KLHDC4: variants seen among roughly 807,000 people sequenced by gnomAD.
KLHDC4 encodes kelch domain containing 4.
A neutral mutation model predicts 62.4 loss-of-function variants in KLHDC4; 90 were observed. The observed-to-expected ratio is 1.44, with a 90% CI of 1.22 to 1.72. The LOEUF (loss-of-function observed/expected upper bound fraction) is 1.72, where lower values mean the gene tolerates loss of function less well. Ranked by LOEUF, KLHDC4 falls within the 40% of genes most tolerant of loss-of-function variation. KLHDC4 has a pLI of 0.00. For missense variants in KLHDC4, 1,025 were observed against 699.7 expected (o/e 1.47, Z -5.25); for synonymous variants, 386 against 284.4 (o/e 1.36, Z -3.59).
intron 6 of KLHDC4, among the ~76,000 whole-genome samples, chr16:87,728,163 C>G (rs950009916): frequency 2.0e-5 from 3 of 152,086 alleles, no homozygotes; most frequent in African/African-American, 7.2e-5. Flanking sequence ...CCAGCCTGGG[C>G]GATCGAGTGA....
At chr16:87,719,355 T>C (rs1280516967) in intron 7 of KLHDC4, among the ~76,000 whole-genome samples, 1 of 152,230 alleles carries the variant, frequency 6.6e-6, no homozygotes, top group Non-Finnish European at 1.5e-5. Context: ...ATGCTGTTAA[T>C]CTATAACCTT....
At chr16:87,754,196 C>A (rs1433037351) in intron 4 of KLHDC4, among the ~76,000 whole-genome samples, 1 of 151,542 alleles carries the variant, frequency 6.6e-6, no homozygotes, top group Non-Finnish European at 1.5e-5. Context: ...CTAATACAAT[C>A]CCAGTCAGGT....
At chr16:87,734,669 C>A (rs2040966072) in intron 5 of KLHDC4, among the ~76,000 whole-genome samples, 2 of 152,192 alleles carry the variant, frequency 1.3e-5, no homozygotes, top group South Asian at 4.1e-4. Flanking sequence ...ATTAATCCAA[C>A]CCGGAGTTGG....
chr16:87,717,839 C>A (rs1265259291), intron 7 of KLHDC4, among the ~76,000 whole-genome samples: 1 of 151,042 alleles, frequency 6.6e-6, no homozygotes, highest in Non-Finnish European at 1.5e-5. Context: ...GTACCCTGCA[C>A]CTGTCTATAT....
chr16:87,759,113 G>A (rs1023261590), intron 2 of KLHDC4, among the ~76,000 whole-genome samples: 6 of 152,056 alleles, frequency 3.9e-5, no homozygotes, highest in Admixed American at 1.3e-4. Flanking sequence ...TGGAGGTTGC[G>A]GTGAGCCGAT....
At position 87,707,986 on chromosome 16, in the gene KLHDC4, C is replaced by T. The variant is rs1169093362; in HGVS notation, c.*91G>A. 1 of 479,020 alleles carries T rather than the reference C, an allele frequency of 2.1e-6. No homozygotes were observed. The highest frequency in any genetic ancestry group is 4.1e-6 in the Non-Finnish European group (1 of 242,234). 29.7% of individuals were successfully genotyped at this position (479,020 alleles called of 1,614,324 possible). On this transcript the variant is annotated 3_prime_UTR_variant, in exon 12 of 12. Transcript: ENST00000270583. ...CAGCTCTCTCCTGTGCGTCAGGACG[C>T]ACGCTGGCCCCAAGAGCTTCACTCA...
At chr16:87,710,920 G>A (rs756208844) in intron 9 of KLHDC4, 64 of 335,474 alleles carry the variant, frequency 1.9e-4, no homozygotes, top group Middle Eastern at 9.0e-4. Flanking sequence ...CATAACACAG[G>A]CTGGTCCACA....
intron 1 of KLHDC4, among the ~76,000 whole-genome samples, chr16:87,764,480 T>C (rs1407895741): frequency 1.3e-5 from 2 of 151,000 alleles, no homozygotes; most frequent in African/African-American, 2.4e-5. Context: ...TGAAACCCGG[T>C]CTCTATTAAA....
Position 87,711,247 on chromosome 16 carries a change from C to T in KLHDC4, c.1032G>A (p.Glu344=). ...GAGGTTGCACTACCTTCAGCTGTCCCTCAAACCAACGGTTCCTGGTGGCGT... is the reference window on the plus strand; with the variant it reads ...GAGGTTGCACTACCTTCAGCTGTCCTTCAAACCAACGGTTCCTGGTGGCGT... ...FYDATRNRWF[E]GQLKGPKSEK... The change falls in exon 9 of 12, where the codon GAG becomes GAA. Residue 344 remains glutamate, a synonymous_variant. Coordinates refer to ENST00000270583, the MANE Select transcript of KLHDC4 (RefSeq NM_017566.4). 6.2e-7 allele frequency: 1 copy of T among 1,614,106 alleles called. No homozygotes were observed. The highest frequency in any genetic ancestry group is 8.5e-7 in the Non-Finnish European group (1 of 1,180,034).
intron 5 of KLHDC4, among the ~76,000 whole-genome samples, chr16:87,745,860 C>T (rs1241579580): frequency 4.6e-5 from 7 of 152,174 alleles, no homozygotes; most frequent in Non-Finnish European, 8.8e-5. Context: ...CACCGCTGTG[C>T]GTCTCGTCAG....
At chr16:87,709,845 C>A (rs568246206) in intron 9 of KLHDC4, 178 bp from the exon 10 acceptor site, 1 of 695,988 alleles carries the variant, frequency 1.4e-6, no homozygotes, top group Non-Finnish European at 2.3e-6. Flanking sequence ...TGCAGGAGCA[C>A]GCTCCTGTCT....
intron 8 of KLHDC4, among the ~76,000 whole-genome samples, chr16:87,712,767 G>A (rs2036156464): frequency 6.6e-6 from 1 of 152,228 alleles, no homozygotes; most frequent in African/African-American, 2.4e-5. Flanking sequence ...CAAGAAGGAG[G>A]TAAAAACACT....
At chr16:87,702,002 G>A (rs1174208493) in exon 1 of KLHDC4, 1 of 456,306 alleles carries the variant, frequency 2.2e-6, no homozygotes, top group Non-Finnish European at 4.4e-6. Context: ...GCTCAGCCCA[G>A]CAGCCAGGCA....
At chr16:87,737,701 C>G (rs1230273087) in intron 5 of KLHDC4, among the ~76,000 whole-genome samples, 1 of 151,914 alleles carries the variant, frequency 6.6e-6, no homozygotes, top group Non-Finnish European at 1.5e-5. Context: ...AATTATTCCA[C>G]CTAAGACTCC....
chr16:87,764,071 C>A (rs1437592464), intron 1 of KLHDC4, among the ~76,000 whole-genome samples: 3 of 152,112 alleles, frequency 2.0e-5, no homozygotes, highest in Non-Finnish European at 4.4e-5. Flanking sequence ...AGCAGAATTC[C>A]AAACTGTCCC....
At chr16:87,764,933 A>G (rs945062782) in intron 1 of KLHDC4, 1 of 350,592 alleles carries the variant, frequency 2.9e-6, no homozygotes, top group Non-Finnish European at 5.7e-6. Context: ...ATGACTTAGG[A>G]AGAAAAGGGA....
At chr16:87,720,600 G>T (rs2142994311) in intron 7 of KLHDC4, among the ~76,000 whole-genome samples, 1 of 152,366 alleles carries the variant, frequency 6.6e-6, no homozygotes, top group East Asian at 1.9e-4. Flanking sequence ...CTCACGTTTT[G>T]CGGGGCTTGG....
intron 2 of KLHDC4, among the ~76,000 whole-genome samples, chr16:87,756,698 GAC>G (rs1189187878): frequency 7.5e-5 from 10 of 132,882 alleles, no homozygotes; most frequent in Non-Finnish European, 1.5e-4. Context: ...GAGCTGGACT[GAC>G]ACAGTGTCTG....
At chr16:87,725,157 C>T (rs959989801) in intron 7 of KLHDC4, among the ~76,000 whole-genome samples, 3 of 151,944 alleles carry the variant, frequency 2.0e-5, no homozygotes, top group East Asian at 1.9e-4. Context: ...ATCAGAGCAG[C>T]GTCACCTCTG....
Sources: allele counts gnomAD v4.1 joint callset (sites outside exome capture counted in the v4.1 genomes callset), GRCh38; gene constraint gnomAD v4.1.1; transcripts MANE v1.5; gene names NCBI Gene and HGNC (gene_info 2026-07-23, HGNC 2026-07-21).